The following PLCL2 variants were observed in gnomAD, a reference collection of about 807,000 sequenced individuals.
The protein encoded by PLCL2 is inactive phospholipase C-like protein 2.
In PLCL2, 4 loss-of-function variants were observed where a neutral mutation model predicts 79.6. The observed-to-expected ratio is 0.05, with a 90% CI of 0.02 to 0.11. PLCL2 has a LOEUF of 0.11. PLCL2 is among the 10% of genes least tolerant of loss of function. The pLI, the probability that PLCL2 is intolerant of heterozygous loss-of-function variation, is 1.00. For synonymous variants in PLCL2, 484 were observed against 457.7 expected, an observed-to-expected ratio of 1.06 and a Z score of -0.73; for missense variants, 895 against 1,291.0, an observed-to-expected ratio of 0.69 and a Z score of 4.70.
intron 3 of PLCL2, among the ~76,000 whole-genome samples, chr3:17,019,750 A>G (rs115214266): frequency 0.029 from 4,387 of 152,320 alleles, 235 homozygotes; most frequent in African/African-American, 0.1. Flanking sequence ...AAGAAATGCA[A>G]TCATAAATGT....
At chr3:16,966,259 G>A (rs1311275749) in intron 1 of PLCL2, among the ~76,000 whole-genome samples, 1 of 148,052 alleles carries the variant, frequency 6.8e-6, no homozygotes, top group Non-Finnish European at 1.5e-5. Context: ...GGCCTTTTCT[G>A]CATCTATTGA....
intron 1 of PLCL2, among the ~76,000 whole-genome samples, chr3:16,952,360 CAAAAAAAAA>C (rs35421244): frequency 1.3e-4 from 3 of 22,614 alleles, no homozygotes; most frequent in African/African-American, 1.8e-4. Context: ...GAACTTAAAG[CAAAAAAAAA>C]AAAAAAAAAA....
chr3:16,950,118 A>G (rs1170086392), intron 1 of PLCL2, among the ~76,000 whole-genome samples: 1 of 152,122 alleles, frequency 6.6e-6, no homozygotes, highest in Non-Finnish European at 1.5e-5. Context: ...TACTTCAACT[A>G]TCTTGTATTT....
intron 1 of PLCL2, among the ~76,000 whole-genome samples, chr3:16,969,981 A>C (rs899474488): frequency 1.3e-5 from 2 of 151,098 alleles, no homozygotes; most frequent in East Asian, 3.9e-4. Flanking sequence ...CCATTCAGGA[A>C]CAGTTGTTTA....
chr3:16,991,293 A>G (rs2064102954), intron 1 of PLCL2, among the ~76,000 whole-genome samples: 1 of 152,298 alleles, frequency 6.6e-6, no homozygotes, highest in Non-Finnish European at 1.5e-5. Flanking sequence ...GAGGATTCAT[A>G]ATAGTAGCTC....
chr3:17,080,841 G>A (rs1188334839), intron 5 of PLCL2, among the ~76,000 whole-genome samples: 1 of 152,202 alleles, frequency 6.6e-6, no homozygotes, highest in African/African-American at 2.4e-5. Flanking sequence ...AGAGTGAATT[G>A]TCTACACAGT....
In PLCL2 at chr3:17,067,989, G is replaced by C. The variant is rs1177968835; in HGVS notation, c.3128G>C (p.Gly1043Ala). 6.2e-7 allele frequency: 1 copy of C among 1,611,486 alleles called. No homozygotes were observed. Among genetic ancestry groups the C allele is most frequent in the Non-Finnish European group, 8.5e-7 (1 of 1,178,050 alleles). Residue 1043 changes from glycine to alanine, a missense_variant, in exon 5 of 6, where the codon GGC becomes GCC. By Grantham distance (60) the Gly-to-Ala change is moderately conservative. This residue lies in a region of PLCL2 where 298 missense variants were observed against 459.6 expected (regional missense o/e 0.65). Transcript: ENST00000615277. Reference protein sequence around the residue: ...MEFHEHLHSIGTKEGLKERKL... With the variant: ...MEFHEHLHSIATKEGLKERKL... ...TTCCATGAACACTTGCACAGCATAG[G>C]CACCAAGGAAGGTTTGAAGGAAAGA...
At chr3:16,953,992 C>T (rs2063677296) in intron 1 of PLCL2, among the ~76,000 whole-genome samples, 1 of 151,976 alleles carries the variant, frequency 6.6e-6, no homozygotes, top group African/African-American at 2.4e-5. Context: ...ATAATTTTTA[C>T]TCAGTGACAT....
chr3:17,008,849 G>T (rs1024153203), intron 1 of PLCL2, among the ~76,000 whole-genome samples: 3 of 152,054 alleles, frequency 2.0e-5, no homozygotes, highest in African/African-American at 7.2e-5. Flanking sequence ...ACAGGATCTT[G>T]TTCTGTTGTC....
chr3:16,901,220 C>G (rs1696611524), intron 1 of PLCL2, among the ~76,000 whole-genome samples: 1 of 152,216 alleles, frequency 6.6e-6, no homozygotes, highest in Non-Finnish European at 1.5e-5. Context: ...CCTGGCCATT[C>G]TGGAAGCCAC....
intron 1 of PLCL2, among the ~76,000 whole-genome samples, chr3:16,889,228 G>A (rs1357482768): frequency 6.6e-6 from 1 of 152,142 alleles, no homozygotes; most frequent in African/African-American, 2.4e-5. Flanking sequence ...AGAGTTCAGA[G>A]AGGTTAACCC....
chr3:16,892,310 A>G (rs1019605230), intron 1 of PLCL2, among the ~76,000 whole-genome samples: 4 of 152,244 alleles, frequency 2.6e-5, no homozygotes, highest in East Asian at 1.9e-4. Flanking sequence ...AGATGTTAAT[A>G]TAAATGATTG....
chr3:16,981,029 G>C (rs1415352186), intron 1 of PLCL2, among the ~76,000 whole-genome samples: 2 of 152,218 alleles, frequency 1.3e-5, no homozygotes, highest in African/African-American at 2.4e-5. Context: ...GCAGGCACTC[G>C]GCAAGCTGAG....
chr3:17,087,550 A>C (rs1379114952), intron 5 of PLCL2, among the ~76,000 whole-genome samples: 1 of 152,204 alleles, frequency 6.6e-6, no homozygotes. Context: ...GGGTGGTGGA[A>C]CTATTCTGCA....
chr3:16,982,733 C>A (rs1289575799), intron 1 of PLCL2, among the ~76,000 whole-genome samples: 1 of 152,170 alleles, frequency 6.6e-6, no homozygotes, highest in African/African-American at 2.4e-5. Flanking sequence ...AAATTTTCTT[C>A]TCTTTCCTTT....
intron 1 of PLCL2, among the ~76,000 whole-genome samples, chr3:16,903,683 A>G (rs1052047883): frequency 6.6e-6 from 1 of 152,194 alleles, no homozygotes; most frequent in Non-Finnish European, 1.5e-5. Context: ...CGGTTCAGCA[A>G]AGTCATGTGT....
At chr3:17,025,552 T>C (rs1459001588) in intron 3 of PLCL2, among the ~76,000 whole-genome samples, 2 of 152,226 alleles carry the variant, frequency 1.3e-5, no homozygotes, top group African/African-American at 4.8e-5. Context: ...AATGAAGCTA[T>C]TGAAATAACC....
intron 3 of PLCL2, among the ~76,000 whole-genome samples, chr3:17,041,913 C>T (rs756396644): frequency 2.0e-4 from 30 of 151,862 alleles, no homozygotes; most frequent in Non-Finnish European, 3.7e-4. Context: ...CACTGCACTC[C>T]AGCCTGGCTG....
intron 1 of PLCL2, among the ~76,000 whole-genome samples, chr3:16,971,782 T>C (rs571008624): frequency 9.1e-4 from 138 of 152,288 alleles, no homozygotes; most frequent in African/African-American, 3.2e-3. Flanking sequence ...GTAAGCTGGA[T>C]TCCTAGGTAT....
Sources: allele counts gnomAD v4.1 joint callset (sites outside exome capture counted in the v4.1 genomes callset), GRCh38; gene constraint gnomAD v4.1.1; regional missense constraint gnomAD v4.1.1; transcripts MANE v1.5; gene names NCBI Gene and HGNC (gene_info 2026-07-23, HGNC 2026-07-21).